ZC3HAV1: variants seen among roughly 807,000 people sequenced by gnomAD.
ZC3HAV1 encodes zinc finger CCCH-type containing, antiviral 1, also known as zinc finger CCCH-type antiviral protein 1.
ZC3HAV1 carries 41 observed loss-of-function variants against 86.6 expected under a neutral mutation model. The observed-to-expected ratio is 0.47, with a 90% CI of 0.37 to 0.61. The LOEUF (loss-of-function observed/expected upper bound fraction) is 0.61, where lower values mean the gene tolerates loss of function less well. Ranked by LOEUF, ZC3HAV1 falls within the 20% of genes least tolerant of loss-of-function variation. The probability of loss-of-function intolerance (pLI) is 0.00; values close to 1 mark genes in which losing one functional copy is unlikely to be tolerated. For missense variants in ZC3HAV1, 964 were observed against 1,141.1 expected (o/e 0.84, Z 2.24); for synonymous variants, 421 against 432.1 (o/e 0.97, Z 0.32).
intron 8 of ZC3HAV1, among the ~76,000 whole-genome samples, chr7:139,063,044 A>G (rs1162946390): frequency 1.3e-5 from 2 of 150,314 alleles, no homozygotes; most frequent in East Asian, 3.9e-4. Flanking sequence ...AAAAAAAAAA[A>G]AAAAAAAGAA....
intron 12 of ZC3HAV1, among the ~76,000 whole-genome samples, chr7:139,048,326 G>A (rs572771763): frequency 6.6e-6 from 1 of 152,258 alleles, no homozygotes; most frequent in South Asian, 2.1e-4. Flanking sequence ...GCTACTCTGG[G>A]CAGGTGCAGT....
At chr7:139,047,945 C>T (rs1283260077) in intron 12 of ZC3HAV1, 92 bp from the exon 13 acceptor site, 1 of 1,310,680 alleles carries the variant, frequency 7.6e-7, no homozygotes, top group Non-Finnish European at 1.0e-6. Flanking sequence ...TGGGTGTGGA[C>T]TAAGCATATG....
rs1211614806 is a variant in ZC3HAV1, at chr7:139,108,770, G to A, written c.308+254C>T. On this transcript the variant is annotated intron_variant, in intron 1 of 12. Coordinates refer to ENST00000242351, the MANE Select transcript of ZC3HAV1 (RefSeq NM_020119.4). The surrounding 1 kb of genome is among the most constrained non-coding windows in gnomAD (Gnocchi z 4.2). Reference sequence around the variant, plus strand: ...GGGAAAGGGGTGGAGGTTGAGCCTGGTCTCCTCCAGGCACTAGCATTTTAG... The same window carrying A: ...GGGAAAGGGGTGGAGGTTGAGCCTGATCTCCTCCAGGCACTAGCATTTTAG... Among the ~76,000 whole-genome samples the A allele has an allele frequency of 6.6e-6, 1 of 152,254 alleles. No homozygotes were observed. Among genetic ancestry groups the A allele is most frequent in the Non-Finnish European group, 1.5e-5 (1 of 68,048 alleles).
chr7:139,084,164 C>A, intron 2 of ZC3HAV1, 132 bp from the exon 3 acceptor site: 1 of 1,239,184 alleles, frequency 8.1e-7, no homozygotes, highest in East Asian at 2.5e-5. Context: ...AAAATACATG[C>A]ATATTCTGCA....
intron 7 of ZC3HAV1, among the ~76,000 whole-genome samples, chr7:139,069,213 C>A (rs949905628): frequency 4.6e-5 from 7 of 152,140 alleles, no homozygotes; most frequent in African/African-American, 1.7e-4. Flanking sequence ...AGTTTAATAG[C>A]CATAATGTGT....
intron 5 of ZC3HAV1, 72 bp from the exon 6 acceptor site, chr7:139,076,481 C>T: frequency 1.3e-6 from 2 of 1,587,324 alleles, no homozygotes; most frequent in East Asian, 4.5e-5. Context: ...AGTTCACTGC[C>T]AGCTTTCCCC....
chr7:139,072,334 G>A lies in ZC3HAV1; in HGVS notation c.1872+1522C>T, dbSNP rs547936983. Among the ~76,000 whole-genome samples, 106 of 151,910 alleles carry A rather than the reference G, an allele frequency of 7.0e-4. No individual in the cohort carries two copies. The Middle Eastern group carries it at 0.017, about 24-fold the overall frequency. ...TGAGTAGCTGGGATTACAAGCACGC[G>A]CCACCACACCCAGCTAATTTTTTGT... On this transcript the variant is annotated intron_variant, in intron 7 of 12. Coordinates refer to ENST00000242351, the MANE Select transcript of ZC3HAV1 (RefSeq NM_020119.4).
At chr7:139,068,220 C>T (rs992565105) in intron 7 of ZC3HAV1, among the ~76,000 whole-genome samples, 5 of 151,924 alleles carry the variant, frequency 3.3e-5, no homozygotes, top group African/African-American at 7.3e-5. Context: ...CCACCACACC[C>T]GGCTGATTCT....
At chr7:139,106,431 C>T (rs1465099437) in intron 1 of ZC3HAV1, among the ~76,000 whole-genome samples, 3 of 151,938 alleles carry the variant, frequency 2.0e-5, no homozygotes, top group Non-Finnish European at 2.9e-5. Flanking sequence ...TGGCCAACAT[C>T]GCGAAACCCC....
chr7:139,049,144 C>CGGT, intron 12 of ZC3HAV1, among the ~76,000 whole-genome samples: 1 of 86,448 alleles, frequency 1.2e-5, no homozygotes, highest in South Asian at 4.3e-4. Context: ...TTTTTTTTTT[C>CGGT]GTTGTTGTTG....
chr7:139,061,239 A>T, intron 8 of ZC3HAV1, 101 bp from the exon 9 acceptor site: 1 of 1,110,528 alleles, frequency 9.0e-7, no homozygotes. Flanking sequence ...CAAATATTCA[A>T]GACTGACCTG....
In ZC3HAV1 at chr7:139,109,535, C is replaced by T; in HGVS notation, c.-204G>A. 6.7e-6 allele frequency: 4 copies of T among 594,238 alleles called. No individual in the cohort carries two copies. Among genetic ancestry groups the T allele is most frequent in the Non-Finnish European group, 8.2e-6 (3 of 365,138 alleles). 36.8% of individuals were successfully genotyped at this position (594,238 alleles called of 1,614,324 possible). A position where few individuals can be genotyped will look rare whatever the true frequency, so the allele number is the denominator to read the frequency against. On this transcript the variant is annotated 5_prime_UTR_variant, in exon 1 of 13. Transcript: ENST00000242351. ...CTCAGGTCAAGAGGCTAGATCTCAC[C>T]GACCGGGTCCTAGTGGCAGGTTTAC...
intron 7 of ZC3HAV1, among the ~76,000 whole-genome samples, chr7:139,070,616 A>C (rs1179402106): frequency 1.4e-5 from 2 of 145,546 alleles, no homozygotes; most frequent in African/African-American, 5.2e-5. Context: ...GTAAGCCGAG[A>C]TCGCGCCACT....
Position 139,051,635 on chromosome 7 carries a change from G to T in ZC3HAV1, c.2449+1816C>A, listed in dbSNP as rs546665889. Reference sequence around the variant, plus strand: ...GATAAGGTCTCGCCATGTTGCCCAAGCTGGTCTCCAACTCCTGGGCTCAAG... The same window carrying T: ...GATAAGGTCTCGCCATGTTGCCCAATCTGGTCTCCAACTCCTGGGCTCAAG... On this transcript the variant is annotated intron_variant, in intron 12 of 12. Coordinates refer to ENST00000242351, the MANE Select transcript of ZC3HAV1 (RefSeq NM_020119.4). Among the ~76,000 whole-genome samples, 17 of 152,198 alleles carry T rather than the reference G, an allele frequency of 1.1e-4. No individual in the cohort carries two copies. The East Asian group carries it at 1.7e-3, about 16-fold the overall frequency.
intron 12 of ZC3HAV1, among the ~76,000 whole-genome samples, chr7:139,049,125 C>CTTTTTTTTTTTTTTTTTCT (rs1816047707): frequency 8.0e-6 from 1 of 125,432 alleles, no homozygotes; most frequent in Non-Finnish European, 1.6e-5. Flanking sequence ...TCTCTCTCTC[C>CTTTTTTTTTTTTTTTTTCT]TTTTTTTTTT....
chr7:139,066,152 A>AGGAGCC (rs1563128201), intron 7 of ZC3HAV1, among the ~76,000 whole-genome samples: 1 of 152,086 alleles, frequency 6.6e-6, no homozygotes. Context: ...TTTAATGGTG[A>AGGAGCC]GGAGACTCTT....
chr7:139,048,636 C>T (rs181700075), intron 12 of ZC3HAV1, among the ~76,000 whole-genome samples: 26 of 152,268 alleles, frequency 1.7e-4, no homozygotes. Flanking sequence ...AAGAAAGCTA[C>T]TCTGTCGTTT....
chr7:139,073,926 G>A lies in ZC3HAV1; in HGVS notation c.1802C>T (p.Ser601Phe). Residue 601 changes from serine (S) to phenylalanine (F), a missense_variant, in exon 7 of 13, where the codon TCT (serine) becomes TTT (phenylalanine). Physicochemically the swap from Ser to Phe is radical, Grantham distance 155. Transcript: ENST00000242351. ...TPSSVTKPANSVFTTKWIWYW... is the reference protein window; with the variant it reads ...TPSSVTKPANFVFTTKWIWYW... ...CCAAATCCATTTGGTGGTGAAGACAGAATTGGCTGGCTTGGTGACAGAAGA... is the reference window on the plus strand; with the variant it reads ...CCAAATCCATTTGGTGGTGAAGACAAAATTGGCTGGCTTGGTGACAGAAGA... 6.2e-7 allele frequency: 1 copy of A among 1,614,088 alleles called. No individual in the cohort carries two copies. Among genetic ancestry groups the A allele is most frequent in the Non-Finnish European group, 8.5e-7 (1 of 1,179,934 alleles).
chr7:139,054,191 C>T, intron 10 of ZC3HAV1, 96 bp from the exon 11 acceptor site: 1 of 1,269,542 alleles, frequency 7.9e-7, no homozygotes, highest in South Asian at 1.8e-5. Flanking sequence ...AGTATTGTTA[C>T]CAGGGTTCTT....
Sources: gnomAD v4.1 joint callset for allele counts (sites outside exome capture counted in the v4.1 genomes callset) on GRCh38, gnomAD v4.1.1 for gene constraint, Gnocchi (gnomAD v3.1) non-coding constraint, MANE v1.5 for transcripts, NCBI Gene and HGNC (gene_info 2026-07-23, HGNC 2026-07-21) for gene names.